DGKB: variants seen among roughly 807,000 people sequenced by gnomAD.
DGKB encodes 90 kDa diacylglycerol kinase.
DGKB carries 67 observed loss-of-function variants against 114.3 expected under a neutral mutation model. The ratio of observed to expected loss-of-function variants is 0.59; its 90% CI spans 0.48 to 0.72. The LOEUF (loss-of-function observed/expected upper bound fraction) is 0.72, where lower values mean the gene tolerates loss of function less well. Ranked by LOEUF, DGKB falls within the 30% of genes least tolerant of loss-of-function variation. DGKB has a pLI of 0.00. For missense variants in DGKB, 907 were observed against 975.2 expected, an observed-to-expected ratio of 0.93 and a Z score of 0.93; for synonymous variants, 398 against 323.1, an observed-to-expected ratio of 1.23 and a Z score of -2.49.
chr7:14,865,181 G>GA lies in DGKB; in HGVS notation c.-187-23732dup, dbSNP rs1478325724. 6.6e-5 allele frequency among the ~76,000 whole-genome samples: 10 copies of GA among 152,228 alleles called. No individual in the cohort carries two copies. In the East Asian group the frequency reaches 1.5e-3, roughly 24 times the overall value. ...AGCAACAGACTTGTGTTAGGGTTAA[G>GA]AAAAAATGAGTTGAATAAAAATTAT... On this transcript the variant is annotated intron_variant, in intron 1 of 25. Transcript: ENST00000402815.
chr7:14,213,387 C>A (rs1015873426), intron 23 of DGKB, among the ~76,000 whole-genome samples: 9 of 152,060 alleles, frequency 5.9e-5, no homozygotes, highest in Non-Finnish European at 1.0e-4. Context: ...ATATTACATT[C>A]CCAAGTGGTA....
At chr7:14,167,877 C>A (rs1271709020) in intron 25 of DGKB, among the ~76,000 whole-genome samples, 1 of 152,090 alleles carries the variant, frequency 6.6e-6, no homozygotes, top group African/African-American at 2.4e-5. Context: ...TACCTAGAGT[C>A]TTATAACACA....
intron 21 of DGKB, among the ~76,000 whole-genome samples, chr7:14,352,500 G>A (rs894086153): frequency 8.6e-4 from 50 of 58,386 alleles, no homozygotes; most frequent in East Asian, 5.2e-3. Context: ...ACATTGCAGA[G>A]TCATACAAAA....
chr7:14,818,594 C>T (rs895461430), intron 2 of DGKB, among the ~76,000 whole-genome samples: 1 of 152,096 alleles, frequency 6.6e-6, no homozygotes, highest in South Asian at 2.1e-4. Context: ...TATAGAACAG[C>T]TACGACATAA....
chr7:14,967,549 G>C (rs1287838750), intron 1 of DGKB, among the ~76,000 whole-genome samples: 3 of 150,238 alleles, frequency 2.0e-5, no homozygotes, highest in Admixed American at 6.7e-5. Context: ...TTGAGCTCCC[G>C]GCCTCAAGTG....
intron 20 of DGKB, among the ~76,000 whole-genome samples, chr7:14,511,743 G>A (rs1341330136): frequency 6.6e-6 from 1 of 152,172 alleles, no homozygotes; most frequent in East Asian, 1.9e-4. Flanking sequence ...TTGATAGAAA[G>A]TGACAGATAT....
chr7:14,631,757 A>G (rs1235217710), intron 13 of DGKB, among the ~76,000 whole-genome samples: 1 of 152,152 alleles, frequency 6.6e-6, no homozygotes, highest in Admixed American at 6.6e-5. Flanking sequence ...CAACCTTATT[A>G]TCATTCTTTC....
chr7:14,175,502 C>G (rs941283155), intron 25 of DGKB, among the ~76,000 whole-genome samples: 3 of 152,174 alleles, frequency 2.0e-5, no homozygotes, highest in Admixed American at 1.3e-4. Context: ...AGCTTACATT[C>G]ATCCACTTTG....
intron 13 of DGKB, among the ~76,000 whole-genome samples, chr7:14,656,095 A>G (rs1356690205): frequency 6.6e-6 from 1 of 151,706 alleles, no homozygotes; most frequent in Non-Finnish European, 1.5e-5. Flanking sequence ...ACTCTGATTT[A>G]ATCACTGCAT....
chr7:14,212,418 G>A (rs62445572), intron 23 of DGKB, among the ~76,000 whole-genome samples: 9,131 of 16,520 alleles, frequency 0.55, 3,417 homozygotes, highest in East Asian at 0.68. Context: ...TTTTACTCTC[G>A]TGTTTTGTGA....
intron 23 of DGKB, among the ~76,000 whole-genome samples, chr7:14,187,017 A>AAAATAAAT (rs143491018): frequency 8.5e-5 from 13 of 152,096 alleles, no homozygotes; most frequent in Non-Finnish European, 1.5e-4. Flanking sequence ...AACTTATGGA[A>AAAATAAAT]AAATAAATAA....
intron 20 of DGKB, among the ~76,000 whole-genome samples, chr7:14,493,678 G>A (rs1260500386): frequency 2.6e-5 from 4 of 151,990 alleles, no homozygotes; most frequent in African/African-American, 9.6e-5. Context: ...GTCCAGGGAC[G>A]GTCCAAGATT....
At chr7:14,871,391 G>C (rs1347894950) in intron 1 of DGKB, among the ~76,000 whole-genome samples, 1 of 152,148 alleles carries the variant, frequency 6.6e-6, no homozygotes, top group Non-Finnish European at 1.5e-5. Context: ...TTGACAAAAT[G>C]TGACGGGAAA....
At chr7:14,232,613 C>A (rs1047639777) in intron 23 of DGKB, among the ~76,000 whole-genome samples, 1 of 151,734 alleles carries the variant, frequency 6.6e-6, no homozygotes, top group African/African-American at 2.4e-5. Flanking sequence ...AACTACCTAG[C>A]GTATAGCATG....
At chr7:14,396,121 T>C (rs1822176002) in intron 21 of DGKB, among the ~76,000 whole-genome samples, 3 of 152,030 alleles carry the variant, frequency 2.0e-5, no homozygotes, top group African/African-American at 2.4e-5. Flanking sequence ...CCTTCTGTTA[T>C]GAAAGGGTAT....
At chr7:14,530,252 T>C (rs1791355210) in intron 20 of DGKB, among the ~76,000 whole-genome samples, 1 of 151,646 alleles carries the variant, frequency 6.6e-6, no homozygotes, top group Admixed American at 6.6e-5. Flanking sequence ...TACACTGTTT[T>C]ACGAAGCATA....
chr7:14,610,646 T>A (rs1348343311), intron 16 of DGKB, among the ~76,000 whole-genome samples: 1 of 152,114 alleles, frequency 6.6e-6, no homozygotes, highest in Non-Finnish European at 1.5e-5. Flanking sequence ...ATGTAATATC[T>A]GCTCATATCA....
At chr7:14,231,081 C>CT (rs1791665502) in intron 23 of DGKB, among the ~76,000 whole-genome samples, 1 of 135,282 alleles carries the variant, frequency 7.4e-6, no homozygotes, top group African/African-American at 2.7e-5. Flanking sequence ...TTTCTTCTTT[C>CT]CCTTTCTTTC....
At chr7:14,971,670 A>C (rs2115308074) in intron 1 of DGKB, among the ~76,000 whole-genome samples, 1 of 152,292 alleles carries the variant, frequency 6.6e-6, no homozygotes, top group East Asian at 1.9e-4. Context: ...ACACTGTGGA[A>C]AAATTCCTGG....
Sources: gnomAD v4.1 joint callset for allele counts (sites outside exome capture counted in the v4.1 genomes callset) on GRCh38, gnomAD v4.1.1 for gene constraint, MANE v1.5 for transcripts, NCBI Gene and HGNC (gene_info 2026-07-23, HGNC 2026-07-21) for gene names.